Variants in ABCA4 observed in about 807,000 individuals in gnomAD.
The protein encoded by ABCA4 is ATP binding cassette subfamily A member 4, also known as retinal-specific phospholipid-transporting ATPase ABCA4.
ABCA4 carries 196 observed loss-of-function variants against 263.7 expected under a neutral mutation model. The ratio of observed to expected loss-of-function variants is 0.74; its 90% confidence interval spans 0.66 to 0.84. ABCA4 has a LOEUF of 0.84. ABCA4 is among the 40% of genes least tolerant of loss of function. The pLI is 0.00. For synonymous variants in ABCA4, 1,133 were observed against 1,094.2 expected (o/e 1.04, Z -0.70); for missense variants, 2,792 against 2,855.1 (o/e 0.98, Z 0.50).
At position 94,011,430 on chromosome 1, in the gene ABCA4, C is replaced by G. The variant is rs181367879; in HGVS notation, c.5461-45G>C. The G allele has an allele frequency of 1.4e-3, 2,174 of 1,603,186 alleles. 29 individuals are homozygous for G. In the African/African-American group the frequency reaches 0.027, roughly 20 times the overall value. ...CTGTTGGAAACGGGGCAAACCCCAC[C>G]CCCCCTCTCTTCAGCAGGTGGGGCC... On this transcript the variant is annotated intron_variant, in intron 38 of 49. Coordinates refer to ENST00000370225, the MANE Select transcript of ABCA4 (RefSeq NM_000350.3).
chr1:94,120,894 C>CCCCAA, intron 1 of ABCA4, 86 bp downstream of exon 1: 2 of 625,640 alleles, frequency 3.2e-6, no homozygotes, highest in Non-Finnish European at 5.7e-6. Flanking sequence ...CCTGCCCCAC[C>CCCCAA]ACCCTACCCC....
intron 1 of ABCA4, among the ~76,000 whole-genome samples, chr1:94,113,820 G>A (rs1410939267): frequency 1.3e-5 from 2 of 152,266 alleles, no homozygotes; most frequent in African/African-American, 4.8e-5. Flanking sequence ...ACATATGGTT[G>A]AAAGTTGGTA....
chr1:94,091,071 G>A (rs938398773), intron 6 of ABCA4, among the ~76,000 whole-genome samples: 4 of 152,240 alleles, frequency 2.6e-5, no homozygotes, highest in African/African-American at 9.6e-5. Flanking sequence ...GCAAGAAAGA[G>A]TGACTAGAGA....
At position 94,009,458 on chromosome 1, in the gene ABCA4, C is replaced by A. The variant is rs554745025; in HGVS notation, c.5715-587G>T. ...CTCCCTCTGCAGCTGTAGTTACAGCCCTGCAATCCAGCCCCACCTACCCTT... is the reference window on the plus strand; with the variant it reads ...CTCCCTCTGCAGCTGTAGTTACAGCACTGCAATCCAGCCCCACCTACCCTT... On this transcript the variant is annotated intron_variant, in intron 40 of 49. Transcript: ENST00000370225. Among the ~76,000 whole-genome samples, 9 of 152,220 alleles carry A rather than the reference C, an allele frequency of 5.9e-5. No homozygotes were observed. The South Asian group carries it at 1.2e-3, about 21-fold the overall frequency.
chr1:94,001,730 C>T (rs1288518082), intron 45 of ABCA4, 128 bp downstream of exon 45: 3 of 1,376,198 alleles, frequency 2.2e-6, no homozygotes, highest in Non-Finnish European at 1.0e-6. Flanking sequence ...ATGAGCAACA[C>T]AGGAAACAGT....
In ABCA4 at chr1:94,037,252, T is replaced by C. The variant is rs769819432; in HGVS notation, c.3706A>G (p.Lys1236Glu). The C allele has an allele frequency of 2.5e-6, 4 of 1,614,240 alleles. No individual in the cohort carries two copies. Among genetic ancestry groups the C allele is most frequent in the Middle Eastern group, 1.6e-4 (1 of 6,062 alleles). The change falls in exon 25 of 50, where the codon AAG becomes GAG. Residue 1236 changes from lysine to glutamate, a missense_variant. Transcript: ENST00000370225. ...GCATATGCTCTGTGCTTGAAGTTCT[T>C]ATTTGGAAGAAGGAAGATAAGTTCT... ...GQELIFLLPNKNFKHRAYASL... is the reference protein window; with the variant it reads ...GQELIFLLPNENFKHRAYASL...
chr1:94,018,071 T>G (rs377605154), intron 36 of ABCA4, among the ~76,000 whole-genome samples: 1 of 152,192 alleles, frequency 6.6e-6, no homozygotes, highest in Non-Finnish European at 1.5e-5. Context: ...GCTAACATGA[T>G]GCCTACCATC....
intron 38 of ABCA4, among the ~76,000 whole-genome samples, chr1:94,013,826 A>G (rs1216816159): frequency 6.6e-6 from 1 of 152,154 alleles, no homozygotes; most frequent in Non-Finnish European, 1.5e-5. Flanking sequence ...GAGTGTTACA[A>G]TTTCCATAAG....
chr1:94,115,991 G>C, intron 1 of ABCA4, among the ~76,000 whole-genome samples: 1 of 152,268 alleles, frequency 6.6e-6, no homozygotes, highest in Middle Eastern at 3.4e-3. Context: ...TGGCCTGCCT[G>C]TTCCAGGGGT....
At chr1:94,058,703 A>C (rs1661045019) in intron 14 of ABCA4, among the ~76,000 whole-genome samples, 1 of 152,224 alleles carries the variant, frequency 6.6e-6, no homozygotes, top group Non-Finnish European at 1.5e-5. Flanking sequence ...AAGTCCCATA[A>C]ACTTTTAGGA....
intron 30 of ABCA4, among the ~76,000 whole-genome samples, chr1:94,025,381 G>C (rs553836615): frequency 1.3e-5 from 2 of 152,066 alleles, no homozygotes; most frequent in Non-Finnish European, 2.9e-5. Context: ...GCCTGATTCT[G>C]TCCTTGGTCT....
chr1:94,109,972 C>T (rs906863291), intron 3 of ABCA4, among the ~76,000 whole-genome samples: 33 of 152,200 alleles, frequency 2.2e-4, no homozygotes, highest in African/African-American at 6.7e-4. Flanking sequence ...CTCAGTTTTC[C>T]GCAATAACAT....
intron 1 of ABCA4, among the ~76,000 whole-genome samples, chr1:94,116,974 CTTTCTTTCTT>C (rs1302853205): frequency 3.5e-5 from 3 of 86,228 alleles, no homozygotes; most frequent in Non-Finnish European, 4.8e-5. Context: ...CTTTCTCTTT[CTTTCTTTCTT>C]TCTTTCTTTC....
intron 26 of ABCA4, among the ~76,000 whole-genome samples, chr1:94,033,423 CA>C (rs11459922): frequency 7.8e-4 from 85 of 109,038 alleles, no homozygotes; most frequent in Admixed American, 9.9e-4. Context: ...AACTCTATCT[CA>C]AAAAAAAAAA....
At position 94,040,132 on chromosome 1, in the gene ABCA4, A is replaced by C; in HGVS notation, c.3523-5T>G. 6.2e-7 allele frequency: 1 copy of C among 1,603,656 alleles called. No individual in the cohort carries two copies. Among genetic ancestry groups the C allele is most frequent in the Non-Finnish European group, 8.5e-7 (1 of 1,174,024 alleles). On this transcript the variant is annotated splice_polypyrimidine_tract_variant and splice_region_variant and intron_variant, in intron 23 of 49. Coordinates refer to ENST00000370225, the MANE Select transcript of ABCA4 (RefSeq NM_000350.3). ...AGACGAGCAGCTGCAGGTCCCCTGC[A>C]ACAGATGGATGGGATGACTGACAAG...
intron 27 of ABCA4, among the ~76,000 whole-genome samples, chr1:94,031,377 T>G (rs753862963): frequency 2.0e-5 from 3 of 152,136 alleles, no homozygotes; most frequent in African/African-American, 4.8e-5. Flanking sequence ...CAAAGGGCAT[T>G]TCAAAGAGCA....
chr1:94,110,661 A>AAG (rs1345648534), intron 3 of ABCA4, among the ~76,000 whole-genome samples: 1 of 152,210 alleles, frequency 6.6e-6, no homozygotes, highest in Non-Finnish European at 1.5e-5. Flanking sequence ...CAATGCTCTG[A>AAG]AAGGGAATTC....
Position 94,044,694 on chromosome 1 carries a change from C to G in ABCA4, c.2969G>C (p.Gly990Ala). ...LPPTSGTVLV[G>A]GRDIETSLDA... ...CAGGCTGGTTTCAATGTCCCTTCCC[C>G]CAACGAGCACAGTCCCAGAGGTTGG... is the stretch of plus-strand genomic sequence containing the variant. The change falls in exon 20 of 50, where the codon GGG becomes GCG. Residue 990 changes from glycine (G) to alanine (A), a missense_variant. Gly to Ala is a moderately conservative substitution (Grantham distance 60). Coordinates refer to ENST00000370225, the MANE Select transcript of ABCA4 (RefSeq NM_000350.3). 6.2e-7 allele frequency: 1 copy of G among 1,614,192 alleles called. No homozygotes were observed. Among genetic ancestry groups the G allele is most frequent in the Non-Finnish European group, 8.5e-7 (1 of 1,180,034 alleles).
chr1:94,030,786 C>T (rs905698247), intron 28 of ABCA4, among the ~76,000 whole-genome samples: 3 of 152,200 alleles, frequency 2.0e-5, no homozygotes, highest in Non-Finnish European at 4.4e-5. Context: ...CCCATTCGGC[C>T]TTCCCAAGCA....
Sources: gnomAD v4.1 joint callset for allele counts (sites outside exome capture counted in the v4.1 genomes callset) on GRCh38, gnomAD v4.1.1 for gene constraint, MANE v1.5 for transcripts, NCBI Gene and HGNC (gene_info 2026-07-23, HGNC 2026-07-21) for gene names.